Variants in SCNN1B observed in about 807,000 individuals in gnomAD.
The protein encoded by SCNN1B is sodium channel epithelial 1 subunit beta.
SCNN1B carries 46 observed loss-of-function variants against 65.3 expected under a neutral mutation model. The ratio of observed to expected loss-of-function variants is 0.70; its 90% CI spans 0.56 to 0.90. The LOEUF is 0.90. SCNN1B is among the 40% of genes least tolerant of loss of function. The pLI, the probability that SCNN1B is intolerant of heterozygous loss-of-function variation, is 0.00. For synonymous variants in SCNN1B, 349 were observed against 330.6 expected, an observed-to-expected ratio of 1.06 and a Z score of -0.60; for missense variants, 751 against 830.5, an observed-to-expected ratio of 0.90 and a Z score of 1.18.
intron 2 of SCNN1B, among the ~76,000 whole-genome samples, chr16:23,290,879 C>T (rs375018188): frequency 1.3e-5 from 2 of 152,124 alleles, no homozygotes; most frequent in African/African-American, 4.8e-5. Context: ...GAATCTGACT[C>T]ATTAAGCATA....
intron 1 of SCNN1B, among the ~76,000 whole-genome samples, chr16:23,312,112 T>A (rs918578332): frequency 6.6e-6 from 1 of 152,160 alleles, no homozygotes; most frequent in Non-Finnish European, 1.5e-5. Context: ...GGGGAGCCGA[T>A]TCCTGTCCTT....
intron 2 of SCNN1B, among the ~76,000 whole-genome samples, chr16:23,284,231 C>T (rs1406292870): frequency 1.3e-5 from 2 of 152,070 alleles, no homozygotes; most frequent in African/African-American, 4.8e-5. Context: ...ATGGCGAAAA[C>T]CTGTGCCTAC....
At chr16:23,288,395 C>T (rs1417250028) in intron 2 of SCNN1B, among the ~76,000 whole-genome samples, 1 of 152,196 alleles carries the variant, frequency 6.6e-6, no homozygotes, top group Non-Finnish European at 1.5e-5. Flanking sequence ...AATTACCACA[C>T]TTAGTGGCTT....
chr16:23,301,425 G>GAGAGAAAGAA (rs202190028), upstream of SCNN1B, among the ~76,000 whole-genome samples: 16 of 149,246 alleles, frequency 1.1e-4, no homozygotes, highest in African/African-American at 3.8e-4. Flanking sequence ...GAGAGAGAGA[G>GAGAGAAAGAA]AGAGAAAGAA....
At chr16:23,347,531 A>G (rs79704695) in intron 1 of SCNN1B, among the ~76,000 whole-genome samples, 14,363 of 152,280 alleles carry the variant, frequency 0.094, 737 homozygotes, top group Middle Eastern at 0.17. Context: ...TCTGGTCACA[A>G]AAAAAGTCAC....
chr16:23,344,509 T>C (rs898945346), intron 1 of SCNN1B, among the ~76,000 whole-genome samples: 1 of 152,258 alleles, frequency 6.6e-6, no homozygotes, highest in African/African-American at 2.4e-5. Flanking sequence ...TCCCATATGC[T>C]TGAGTCATGG....
chr16:23,285,202 T>C (rs1960832938), intron 2 of SCNN1B, among the ~76,000 whole-genome samples: 1 of 152,222 alleles, frequency 6.6e-6, no homozygotes, highest in African/African-American at 2.4e-5. Context: ...GTTAAGACTC[T>C]CACTCTGTCA....
chr16:23,375,708 C>A, intron 7 of SCNN1B, 30 bp from the exon 8 acceptor site: 1 of 1,474,108 alleles, frequency 6.8e-7, no homozygotes, highest in Non-Finnish European at 9.5e-7. Flanking sequence ...TGCCTGTGTT[C>A]TCTCCTTATG....
At chr16:23,325,051 ACT>A (rs1238906024) in intron 1 of SCNN1B, among the ~76,000 whole-genome samples, 1 of 152,008 alleles carries the variant, frequency 6.6e-6, no homozygotes, top group Non-Finnish European at 1.5e-5. Context: ...CAGCAATAAG[ACT>A]CTGTCAACAA....
upstream of SCNN1B, among the ~76,000 whole-genome samples, chr16:23,299,641 A>G (rs1213510166): frequency 6.6e-6 from 1 of 152,228 alleles, no homozygotes; most frequent in Non-Finnish European, 1.5e-5. Context: ...CCACAATGAG[A>G]TACCATCTCA....
intron 2 of SCNN1B, among the ~76,000 whole-genome samples, chr16:23,296,171 A>G (rs1018759548): frequency 4.6e-5 from 7 of 152,080 alleles, no homozygotes; most frequent in Non-Finnish European, 7.4e-5. Context: ...GAGGCCCCAC[A>G]CTCAGTTCCC....
At chr16:23,329,592 A>G (rs1199993500) in intron 1 of SCNN1B, among the ~76,000 whole-genome samples, 2 of 152,176 alleles carry the variant, frequency 1.3e-5, no homozygotes, top group Non-Finnish European at 2.9e-5. Context: ...GCAGTTGAGG[A>G]GACAGAGACA....
intron 2 of SCNN1B, among the ~76,000 whole-genome samples, chr16:23,284,895 A>G (rs563923203): frequency 6.6e-6 from 1 of 152,304 alleles, no homozygotes; most frequent in South Asian, 2.1e-4. Context: ...AATCAAATCC[A>G]AATGAGCCTG....
chr16:23,352,990 T>C lies in SCNN1B; in HGVS notation c.501T>C (p.Phe167=), dbSNP rs1250644113. 6.2e-7 allele frequency: 1 copy of C among 1,614,136 alleles called. No homozygotes were observed. Among genetic ancestry groups the C allele is most frequent in the South Asian group, 1.1e-5 (1 of 91,056 alleles). The change falls in exon 3 of 13, where the codon TTT becomes TTC. Residue 167 remains phenylalanine (F), a synonymous_variant. Coordinates refer to ENST00000343070, the MANE Select transcript of SCNN1B (RefSeq NM_000336.3). ...ACCACCCCATGGTCCTTGATCTCTTTGGAGACAACCACAATGGCTTAACAA... is the reference window on the plus strand; with the variant it reads ...ACCACCCCATGGTCCTTGATCTCTTCGGAGACAACCACAATGGCTTAACAA... ...NPHHPMVLDL[F]GDNHNGLTSS...
rs373842361 is a variant in SCNN1B, at chr16:23,304,171, C to T, written c.-9+1734C>T. The T allele has an allele frequency of 1.3e-3, 1,606 of 1,211,558 alleles. 38 individuals carry two copies. The South Asian group carries it at 0.02, about 15-fold the overall frequency. 75.1% of individuals were successfully genotyped at this position (1,211,558 alleles called of 1,614,324 possible). ...TTAAGTTCAATTTATTTTTCTTTAT[C>T]CTAAACTAACTTCACAGGATCTGAA... On this transcript the variant is annotated intron_variant, in intron 1 of 12. Coordinates refer to ENST00000343070, the MANE Select transcript of SCNN1B (RefSeq NM_000336.3).
chr16:23,315,712 G>A (rs755476773), intron 1 of SCNN1B, among the ~76,000 whole-genome samples: 7 of 152,160 alleles, frequency 4.6e-5, no homozygotes, highest in South Asian at 2.1e-4. Flanking sequence ...GCTGAGGTGG[G>A]AGGATCACTT....
chr16:23,290,397 T>C (rs1242961227), intron 2 of SCNN1B, among the ~76,000 whole-genome samples: 1 of 152,180 alleles, frequency 6.6e-6, no homozygotes, highest in African/African-American at 2.4e-5. Flanking sequence ...AGCCTCAACC[T>C]CCTGGGCTCA....
At position 23,288,477 on chromosome 16, in the gene SCNN1B, T is replaced by G. The variant is rs549013535; in HGVS notation, n.178+4673T>G. On this transcript the variant is annotated intron_variant and non_coding_transcript_variant, in intron 2 of 3. Coordinates refer to the SCNN1B transcript ENST00000569789. ...CCCAGCAAGGCTTAGCTGTGAGCTC[T>G]GCTTTGTGGTCTCTCATGGTGCTGT... Among the ~76,000 whole-genome samples the G allele has an allele frequency of 2.6e-5, 4 of 152,318 alleles. No homozygotes were observed. The South Asian group carries it at 8.3e-4, about 32-fold the overall frequency.
chr16:23,380,537 C>T lies in SCNN1B; in HGVS notation c.1659C>T (p.Ile553=). The change falls in exon 13 of 13, where the codon ATC becomes ATT. Residue 553 remains isoleucine, a synonymous_variant. Coordinates refer to ENST00000343070, the MANE Select transcript of SCNN1B (RefSeq NM_000336.3). This position sits in a 1 kb window ranked among gnomAD's most constrained non-coding sequence, Gnocchi z 5.4. ...IIIDFVWITI[I]KLVALAKSLR... Reference sequence around the variant, plus strand: ...TCGACTTTGTGTGGATCACCATCATCAAGCTGGTGGCCTTGGCCAAGAGCC... The same window carrying T: ...TCGACTTTGTGTGGATCACCATCATTAAGCTGGTGGCCTTGGCCAAGAGCC... 4 of 1,614,230 alleles carry T rather than the reference C, an allele frequency of 2.5e-6. No homozygotes were observed. Among genetic ancestry groups the T allele is most frequent in the Non-Finnish European group, 3.4e-6 (4 of 1,180,028 alleles).
Sources: gnomAD v4.1 joint callset for allele counts (sites outside exome capture counted in the v4.1 genomes callset) on GRCh38, gnomAD v4.1.1 for gene constraint, Gnocchi (gnomAD v3.1) non-coding constraint, MANE v1.5 for transcripts, NCBI Gene and HGNC (gene_info 2026-07-23, HGNC 2026-07-21) for gene names.